Variants in SEMA5A observed in about 807,000 individuals in gnomAD.
SEMA5A encodes semaphorin 5A.
In SEMA5A, 55 loss-of-function variants were observed where a neutral mutation model predicts 135.5. The ratio of observed to expected loss-of-function variants is 0.41; its 90% confidence interval spans 0.33 to 0.51. The LOEUF (loss-of-function observed/expected upper bound fraction) is 0.51. Among genes scored for constraint, SEMA5A ranks in the 20% least tolerant of loss-of-function variants. The probability of loss-of-function intolerance (pLI) is 0.37; values close to 1 mark genes in which losing one functional copy is unlikely to be tolerated. For missense variants in SEMA5A, 1,290 were observed against 1,419.9 expected (o/e 0.91, Z 1.47); for synonymous variants, 580 against 546.5 (o/e 1.06, Z -0.85).
At chr5:9,202,596 T>G (rs1026917222) in intron 8 of SEMA5A, among the ~76,000 whole-genome samples, 1 of 152,200 alleles carries the variant, frequency 6.6e-6, no homozygotes, top group Non-Finnish European at 1.5e-5. Context: ...TTACATAACC[T>G]TCAGAGAGGG....
chr5:9,471,221 T>A (rs1759465564), intron 1 of SEMA5A, among the ~76,000 whole-genome samples: 1 of 152,070 alleles, frequency 6.6e-6, no homozygotes, highest in African/African-American at 2.4e-5. Context: ...AATATGAGTG[T>A]CCTGAGGATG....
rs1737265020 is a variant in SEMA5A, at chr5:9,062,965, G to T, written c.2440C>A (p.Pro814Thr). 6.2e-7 allele frequency: 1 copy of T among 1,614,224 alleles called. No individual in the cohort carries two copies. Among genetic ancestry groups the T allele is most frequent in the Non-Finnish European group, 8.5e-7 (1 of 1,180,040 alleles). Residue 814 changes from proline (P) to threonine (T), a missense_variant, in exon 18 of 23, where the codon CCC becomes ACC. Physicochemically the swap from Pro to Thr is conservative, Grantham distance 38. Around this residue, in one of 3 missense-constraint regions of SEMA5A, gnomAD observed 1,029 missense variants for 1,086.6 expected, o/e 0.95. Transcript: ENST00000382496. ...IRNRKRVCNN[P>T]EPKYGGMPCL... ...GGCATTCCCCCATACTTGGGTTCGG[G>T]GTTGTTGCAAACACGCTTCCGGTTC...
rs567471424 is a variant in SEMA5A at position 9,271,666 on chromosome 5, C to G, written c.271-33776G>C. On this transcript the variant is annotated intron_variant, in intron 5 of 22. Transcript: ENST00000382496. ...AGGTGGGTGATTTCTGCTTTCCCAA[C>G]TGAGGTACCTAGTGCATCTCATTGG... 3.3e-5 allele frequency among the ~76,000 whole-genome samples: 5 copies of G among 152,302 alleles called. No individual in the cohort carries two copies. In the South Asian group the frequency reaches 8.3e-4, roughly 25 times the overall value.
chr5:9,136,442 C>T lies in SEMA5A; in HGVS notation c.1599+62G>A, dbSNP rs749096527. ...ACAGCGTGACAGTGTGACTGAGGAT[C>T]GCCAGGGGAGCATGGCTCCCATGGG... On this transcript the variant is annotated intron_variant, in intron 13 of 22. Coordinates refer to ENST00000382496, the MANE Select transcript of SEMA5A (RefSeq NM_003966.3). 1.3e-5 allele frequency: 18 copies of T among 1,368,318 alleles called. No homozygotes were observed. The Admixed American group carries it at 1.3e-4, about 10-fold the overall frequency. 84.8% of individuals were successfully genotyped at this position (1,368,318 alleles called of 1,614,324 possible). A position where few individuals can be genotyped will look rare whatever the true frequency, so the allele number is the denominator to read the frequency against.
intron 12 of SEMA5A, among the ~76,000 whole-genome samples, chr5:9,137,100 C>A (rs923330412): frequency 6.6e-6 from 1 of 152,140 alleles, no homozygotes; most frequent in African/African-American, 2.4e-5. Context: ...TTACTGTTAC[C>A]ATCACCATAA....
At chr5:9,218,412 C>T (rs10069238) in intron 8 of SEMA5A, among the ~76,000 whole-genome samples, 10,496 of 152,088 alleles carry the variant, frequency 0.069, 441 homozygotes, top group Middle Eastern at 0.14. Flanking sequence ...TATATGAGCA[C>T]GCAGTAAAAG....
At chr5:9,474,227 G>C (rs1000510472) in intron 1 of SEMA5A, among the ~76,000 whole-genome samples, 1 of 152,124 alleles carries the variant, frequency 6.6e-6, no homozygotes, top group Non-Finnish European at 1.5e-5. Context: ...CGTGGAGTCC[G>C]AGCATCCCAA....
intron 1 of SEMA5A, chr5:9,517,040 A>G (rs1012728579): frequency 6.6e-6 from 1 of 152,250 alleles, no homozygotes; most frequent in Admixed American, 6.5e-5. Flanking sequence ...CATGACTATC[A>G]TATCAATCCC....
At chr5:9,154,947 C>T (rs963402020) in intron 11 of SEMA5A, among the ~76,000 whole-genome samples, 9 of 152,188 alleles carry the variant, frequency 5.9e-5, no homozygotes, top group Admixed American at 2.6e-4. Context: ...TAATCATGTC[C>T]GATTGGACCC....
intron 11 of SEMA5A, among the ~76,000 whole-genome samples, chr5:9,166,573 C>T (rs1743619912): frequency 1.3e-5 from 2 of 152,214 alleles, no homozygotes; most frequent in East Asian, 1.9e-4. Context: ...AAGATCCCTG[C>T]TCCACCACTA....
intron 2 of SEMA5A, among the ~76,000 whole-genome samples, chr5:9,382,350 G>T (rs1383245108): frequency 6.6e-6 from 1 of 151,568 alleles, no homozygotes; most frequent in Non-Finnish European, 1.5e-5. Flanking sequence ...GGAACTGGAA[G>T]AAAATCCAGA....
intron 2 of SEMA5A, 167 bp from the exon 3 acceptor site, chr5:9,380,190 G>A (rs1432575437): frequency 2.0e-6 from 1 of 502,010 alleles, no homozygotes; most frequent in Non-Finnish European, 3.6e-6. Context: ...CAGGTCGTGT[G>A]TGTGTATGAA....
intron 11 of SEMA5A, among the ~76,000 whole-genome samples, chr5:9,160,071 A>C (rs540989963): frequency 6.6e-6 from 1 of 152,280 alleles, no homozygotes; most frequent in South Asian, 2.1e-4. Context: ...GAGTAAGGGG[A>C]AAGAACTTAG....
chr5:9,313,321 G>C (rs1176453581), intron 5 of SEMA5A, among the ~76,000 whole-genome samples: 1 of 152,016 alleles, frequency 6.6e-6, no homozygotes, highest in Non-Finnish European at 1.5e-5. Context: ...TTGTCCCCTG[G>C]GGTGACAGTA....
chr5:9,414,413 C>A (rs752895658), intron 2 of SEMA5A, among the ~76,000 whole-genome samples: 2 of 152,132 alleles, frequency 1.3e-5, no homozygotes, highest in African/African-American at 2.4e-5. Context: ...AAAAGATGTC[C>A]ATTTGATCTT....
At chr5:9,158,958 A>G (rs1300411956) in intron 11 of SEMA5A, among the ~76,000 whole-genome samples, 1 of 152,236 alleles carries the variant, frequency 6.6e-6, no homozygotes, top group Non-Finnish European at 1.5e-5. Context: ...TTTGAATTTC[A>G]GATAAACATG....
chr5:9,264,129 G>C (rs1335127967), intron 5 of SEMA5A, among the ~76,000 whole-genome samples: 1 of 152,210 alleles, frequency 6.6e-6, no homozygotes, highest in Non-Finnish European at 1.5e-5. Context: ...CATATGGTAA[G>C]ATAAGAAGAG....
rs1186733132 is a variant in SEMA5A, at chr5:9,365,325, A to G, written c.124+14498T>C. ...ATCAAGATAAATAATATTTTAATATAATATTTTTCAAGGTCTAGATTAATG... is the reference window on the plus strand; with the variant it reads ...ATCAAGATAAATAATATTTTAATATGATATTTTTCAAGGTCTAGATTAATG... On this transcript the variant is annotated intron_variant, in intron 3 of 22. Transcript: ENST00000382496. Among the ~76,000 whole-genome samples the G allele has an allele frequency of 3.9e-5, 6 of 152,248 alleles. No homozygotes were observed. In the East Asian group the frequency reaches 9.6e-4, roughly 24 times the overall value.
intron 8 of SEMA5A, among the ~76,000 whole-genome samples, chr5:9,221,566 T>C (rs1298077819): frequency 3.3e-5 from 5 of 152,208 alleles, no homozygotes; most frequent in South Asian, 2.1e-4. Flanking sequence ...CCTCCCAAAG[T>C]GCTGGGATTA....
Sources: allele counts gnomAD v4.1 joint callset (sites outside exome capture counted in the v4.1 genomes callset), GRCh38; gene constraint gnomAD v4.1.1; regional missense constraint gnomAD v4.1.1; transcripts MANE v1.5; gene names NCBI Gene and HGNC (gene_info 2026-07-23, HGNC 2026-07-21).